VCL: variants seen among roughly 807,000 people sequenced by gnomAD.
VCL encodes the protein vinculin.
Under a neutral mutation model 125.7 loss-of-function variants are expected in VCL, and 47 were observed. The observed-to-expected ratio is 0.37, with a 90% CI of 0.30 to 0.48. The LOEUF (loss-of-function observed/expected upper bound fraction) is 0.48. Among genes scored for constraint, VCL ranks in the 20% least tolerant of loss-of-function variants. The pLI, the probability that VCL is intolerant of heterozygous loss-of-function variation, is 0.99. For missense variants in VCL, 1,069 were observed against 1,455.5 expected, an observed-to-expected ratio of 0.73 and a Z score of 4.32; for synonymous variants, 458 against 514.6, an observed-to-expected ratio of 0.89 and a Z score of 1.49.
At chr10:74,069,152 T>C (rs1316137753) in intron 2 of VCL, among the ~76,000 whole-genome samples, 1 of 151,980 alleles carries the variant, frequency 6.6e-6, no homozygotes, top group African/African-American at 2.4e-5. Context: ...CCACCTCTGA[T>C]TCTCCTGCCT....
At chr10:74,094,865 TC>T (rs2131915148) in intron 11 of VCL, among the ~76,000 whole-genome samples, 1 of 152,156 alleles carries the variant, frequency 6.6e-6, no homozygotes, top group African/African-American at 2.4e-5. Context: ...GACCAGGAGT[TC>T]CAGTCTGTAG....
At chr10:74,009,987 A>T (rs1044238508) in intron 1 of VCL, among the ~76,000 whole-genome samples, 4 of 149,210 alleles carry the variant, frequency 2.7e-5, no homozygotes, top group African/African-American at 9.9e-5. Flanking sequence ...TGCAGTGGTG[A>T]GATCTCAGCT....
intron 1 of VCL, among the ~76,000 whole-genome samples, chr10:74,017,302 C>T (rs1840565224): frequency 6.6e-6 from 1 of 151,982 alleles, no homozygotes; most frequent in Non-Finnish European, 1.5e-5. Context: ...CCGCCTCGGC[C>T]TCCCAAAGTG....
At chr10:74,117,726 G>A (rs1260352294) in intron 21 of VCL, among the ~76,000 whole-genome samples, 3 of 152,202 alleles carry the variant, frequency 2.0e-5, no homozygotes, top group Admixed American at 6.5e-5. Context: ...GGATCCCTGG[G>A]ATCCCTGGGG....
intron 2 of VCL, among the ~76,000 whole-genome samples, chr10:74,049,165 G>A (rs565580039): frequency 1.6e-4 from 24 of 152,136 alleles, no homozygotes; most frequent in African/African-American, 5.1e-4. Context: ...TTAAGTTCAC[G>A]TGTATAATAA....
intron 2 of VCL, among the ~76,000 whole-genome samples, chr10:74,069,484 G>A (rs59511859): frequency 0.063 from 9,591 of 152,208 alleles, 1,043 homozygotes; most frequent in African/African-American, 0.22. Flanking sequence ...AAATTCATAA[G>A]TTGGTTTAAT....
chr10:74,075,268 A>C, intron 6 of VCL: 1 of 207,024 alleles, frequency 4.8e-6, no homozygotes, highest in Non-Finnish European at 9.8e-6. Flanking sequence ...TAAGATACAG[A>C]TATGCCTGTA....
At chr10:74,062,603 G>C (rs1026629267) in intron 2 of VCL, among the ~76,000 whole-genome samples, 1 of 151,954 alleles carries the variant, frequency 6.6e-6, no homozygotes, top group Admixed American at 6.6e-5. Flanking sequence ...GTTTTGTTTT[G>C]AAATAGGGTC....
At chr10:74,104,903 A>G in intron 15 of VCL, 148 bp from the exon 16 acceptor site, 1 of 893,878 alleles carries the variant, frequency 1.1e-6, no homozygotes, top group East Asian at 2.7e-5. Context: ...GTTTACCTGG[A>G]AGCTTTTGAT....
At chr10:74,075,157 T>G in intron 6 of VCL, 2 of 482,862 alleles carry the variant, frequency 4.1e-6, no homozygotes, top group South Asian at 2.3e-5. Context: ...TTATAGCTTT[T>G]CCATCAGGCT....
intron 1 of VCL, among the ~76,000 whole-genome samples, chr10:74,036,368 A>C (rs757225481): frequency 6.6e-6 from 1 of 151,882 alleles, no homozygotes; most frequent in Non-Finnish European, 1.5e-5. Context: ...ACGCCCGGCC[A>C]ATTTTTATAT....
chr10:74,117,520 C>T (rs2131943696), intron 21 of VCL, among the ~76,000 whole-genome samples: 1 of 152,250 alleles, frequency 6.6e-6, no homozygotes, highest in South Asian at 2.1e-4. Flanking sequence ...CCAGATGTGG[C>T]AGCATGTACC....
At chr10:74,081,810 T>TAAAAC (rs1839678359) in intron 6 of VCL, among the ~76,000 whole-genome samples, 2 of 152,100 alleles carry the variant, frequency 1.3e-5, no homozygotes, top group African/African-American at 4.8e-5. Context: ...AGGTGAGGGA[T>TAAAAC]AGTAAGGGAA....
chr10:74,045,334 CA>C (rs1222598230), intron 2 of VCL, among the ~76,000 whole-genome samples: 3 of 149,642 alleles, frequency 2.0e-5, no homozygotes, highest in Non-Finnish European at 4.5e-5. Context: ...ATTTAAAGTT[CA>C]AAAATGGCCA....
At chr10:74,003,968 G>T (rs1220401024) in intron 1 of VCL, among the ~76,000 whole-genome samples, 1 of 152,094 alleles carries the variant, frequency 6.6e-6, no homozygotes, top group Non-Finnish European at 1.5e-5. Flanking sequence ...CAATACTGCT[G>T]CCTCAGCCTC....
At chr10:74,058,588 CT>C (rs758790142) in intron 2 of VCL, among the ~76,000 whole-genome samples, 585 of 142,752 alleles carry the variant, frequency 4.1e-3, no homozygotes, top group African/African-American at 4.5e-3. Flanking sequence ...TCCTCCCCAA[CT>C]TTTTTTTTTT....
intron 21 of VCL, 113 bp downstream of exon 21, chr10:74,115,012 T>G: frequency 9.9e-7 from 1 of 1,008,444 alleles, no homozygotes; most frequent in Non-Finnish European, 1.5e-6. Flanking sequence ...GTATTCAGTA[T>G]GTGGGATGCA....
rs2131939825 is a variant in VCL, at chr10:74,114,249, A to G, written c.3015A>G (p.Val1005=). 1 of 1,614,042 alleles carries G rather than the reference A, an allele frequency of 6.2e-7. No homozygotes were observed. The highest frequency in any genetic ancestry group is 1.3e-5 in the African/African-American group (1 of 75,020). The change falls in exon 20 of 22, where the codon GTA becomes GTG. Residue 1005 remains valine, a synonymous_variant. Transcript: ENST00000211998. ...TGATGGCTGAGATGTCTCGGCTGGT[A>G]AGAGGGGGCAGTGGTACCAAGCGGG... ...ALLMAEMSRL[V]RGGSGTKRAL... is the part of the protein sequence containing the mutation.
At chr10:74,105,801 C>A (rs1054360402) in intron 16 of VCL, among the ~76,000 whole-genome samples, 1 of 146,634 alleles carries the variant, frequency 6.8e-6, no homozygotes, top group African/African-American at 2.7e-5. Context: ...GTGATCCACC[C>A]GCCTTGGCCT....
Sources: allele counts gnomAD v4.1 joint callset (sites outside exome capture counted in the v4.1 genomes callset), GRCh38; gene constraint gnomAD v4.1.1; transcripts MANE v1.5; gene names NCBI Gene and HGNC (gene_info 2026-07-23, HGNC 2026-07-21).